The following LRMDA variants were observed in gnomAD, a reference collection of about 807,000 sequenced individuals.
LRMDA encodes the protein leucine-rich melanocyte differentiation-associated protein.
In LRMDA, 18 loss-of-function variants were observed where a neutral mutation model predicts 29.8. The ratio of observed to expected loss-of-function variants is 0.60; its 90% CI spans 0.42 to 0.90. LRMDA has a LOEUF of 0.90. Among genes scored for constraint, LRMDA ranks in the 40% least tolerant of loss-of-function variants. The probability of loss-of-function intolerance (pLI) is 0.00; values close to 1 mark genes in which losing one functional copy is unlikely to be tolerated. For synonymous variants in LRMDA, 125 were observed against 109.4 expected (o/e 1.14, Z -0.89); for missense variants, 273 against 273.9 (o/e 1.00, Z 0.02).
At chr10:76,460,087 C>T (rs1842496776) in intron 6 of LRMDA, among the ~76,000 whole-genome samples, 1 of 152,146 alleles carries the variant, frequency 6.6e-6, no homozygotes, top group African/African-American at 2.4e-5. Flanking sequence ...CATAATGTGT[C>T]CCCTATTTAG....
At chr10:76,383,479 G>A (rs535732070) in intron 6 of LRMDA, among the ~76,000 whole-genome samples, 14 of 135,744 alleles carry the variant, frequency 1.0e-4, no homozygotes, top group South Asian at 7.1e-4. Flanking sequence ...GCCGGACTGC[G>A]GACTGCAGTG....
intron 3 of LRMDA, among the ~76,000 whole-genome samples, chr10:76,044,183 A>G (rs764550919): frequency 3.9e-5 from 6 of 152,126 alleles, no homozygotes; most frequent in Non-Finnish European, 7.4e-5. Context: ...TGCTCCTTGG[A>G]GCATCTGATG....
chr10:75,645,144 G>A (rs1377616722), intron 2 of LRMDA, among the ~76,000 whole-genome samples: 2 of 151,918 alleles, frequency 1.3e-5, no homozygotes, highest in African/African-American at 2.4e-5. Flanking sequence ...CACCACACCC[G>A]GCTAATTTTT....
Position 76,457,282 on chromosome 10 carries a change from T to G in LRMDA, c.602-99927T>G, listed in dbSNP as rs192833944. Among the ~76,000 whole-genome samples the G allele has an allele frequency of 3.4e-3, 516 of 152,322 alleles. 2 individuals carry two copies. The highest frequency in any genetic ancestry group is 6.9e-3 in the Admixed American group (106 of 15,300). On this transcript the variant is annotated intron_variant, in intron 6 of 6. Transcript: ENST00000611255. The stretch of plus-strand genomic sequence containing the variant: ...TCTTCAGTATTCCCTGATTCTGTGT[T>G]TGCAAATTTGCCTGCCCACTAAAAT...
chr10:76,303,018 A>T (rs1243630123), intron 5 of LRMDA, among the ~76,000 whole-genome samples: 1 of 152,174 alleles, frequency 6.6e-6, no homozygotes, highest in Non-Finnish European at 1.5e-5. Flanking sequence ...AAAGAAAGAA[A>T]AAAGCATTTC....
intron 2 of LRMDA, among the ~76,000 whole-genome samples, chr10:76,034,327 TCA>T (rs1848202581): frequency 6.6e-6 from 1 of 152,174 alleles, no homozygotes; most frequent in South Asian, 2.1e-4. Flanking sequence ...GCATTTATCC[TCA>T]CAAGTTGTGT....
At chr10:75,664,433 G>T (rs1841795401) in intron 2 of LRMDA, among the ~76,000 whole-genome samples, 1 of 152,190 alleles carries the variant, frequency 6.6e-6, no homozygotes, top group African/African-American at 2.4e-5. Context: ...ATACAAAGTT[G>T]GGTGATAGTC....
chr10:75,667,396 C>T (rs958934703), intron 2 of LRMDA, among the ~76,000 whole-genome samples: 1 of 152,144 alleles, frequency 6.6e-6, no homozygotes, highest in African/African-American at 2.4e-5. Context: ...TCTTAACCTC[C>T]CCAGTGATTC....
At chr10:76,199,046 G>C (rs879781392) in intron 5 of LRMDA, among the ~76,000 whole-genome samples, 64 of 152,240 alleles carry the variant, frequency 4.2e-4, no homozygotes, top group African/African-American at 1.5e-3. Context: ...ATCTAGGCAG[G>C]TTATCTAGTA....
At chr10:76,343,739 A>T (rs1841068772) in intron 6 of LRMDA, among the ~76,000 whole-genome samples, 1 of 152,134 alleles carries the variant, frequency 6.6e-6, no homozygotes, top group Admixed American at 6.5e-5. Context: ...TACTAACCAA[A>T]GCAATTAGAT....
At chr10:76,183,214 C>T (rs1294217845) in intron 5 of LRMDA, among the ~76,000 whole-genome samples, 1 of 152,168 alleles carries the variant, frequency 6.6e-6, no homozygotes, top group African/African-American at 2.4e-5. Context: ...TTCTTTAAAA[C>T]TACAGAAATT....
chr10:75,823,008 A>G (rs1371244304), intron 2 of LRMDA, among the ~76,000 whole-genome samples: 1 of 152,188 alleles, frequency 6.6e-6, no homozygotes, highest in Non-Finnish European at 1.5e-5. Flanking sequence ...ACCTCAAACT[A>G]CAAAAATCCT....
chr10:75,678,217 T>C (rs182460049), intron 2 of LRMDA, among the ~76,000 whole-genome samples: 1 of 152,316 alleles, frequency 6.6e-6, no homozygotes, highest in African/African-American at 2.4e-5. Flanking sequence ...TAGTATACTT[T>C]ACTAATAATT....
intron 2 of LRMDA, among the ~76,000 whole-genome samples, chr10:75,681,461 C>A (rs575706540): frequency 1.3e-5 from 2 of 152,124 alleles, no homozygotes; most frequent in Non-Finnish European, 2.9e-5. Context: ...TCATCTAGGC[C>A]GGGTGGCTCT....
At chr10:76,361,779 A>G (rs1052910149) in intron 6 of LRMDA, among the ~76,000 whole-genome samples, 8 of 152,172 alleles carry the variant, frequency 5.3e-5, no homozygotes, top group African/African-American at 1.9e-4. Context: ...TGATGAGGTT[A>G]TGACTATTAT....
chr10:76,365,107 T>TATATATATATATATAC (rs141131236), intron 6 of LRMDA, among the ~76,000 whole-genome samples: 1 of 61,204 alleles, frequency 1.6e-5, no homozygotes, highest in Non-Finnish European at 4.3e-5. Flanking sequence ...TATATATATA[T>TATATATATATATATAC]ACACACACAC....
chr10:76,480,336 A>T (rs1437948518), intron 6 of LRMDA, among the ~76,000 whole-genome samples: 1 of 151,940 alleles, frequency 6.6e-6, no homozygotes, highest in Non-Finnish European at 1.5e-5. Flanking sequence ...ACCAAAATTT[A>T]TTATCTACTT....
intron 6 of LRMDA, among the ~76,000 whole-genome samples, chr10:76,362,114 AAC>A (rs781303813): frequency 1.3e-5 from 2 of 152,186 alleles, no homozygotes; most frequent in Non-Finnish European, 2.9e-5. Context: ...AAACCCACAT[AAC>A]ACGACACTGC....
chr10:75,454,876 C>T (rs7916365), intron 2 of LRMDA, among the ~76,000 whole-genome samples: 119,967 of 152,230 alleles, frequency 0.79, 47,708 homozygotes, highest in Middle Eastern at 0.86. Flanking sequence ...GAAAGTCTTT[C>T]GTCAAGTGCT....
Sources: allele counts gnomAD v4.1 joint callset (sites outside exome capture counted in the v4.1 genomes callset), GRCh38; gene constraint gnomAD v4.1.1; transcripts MANE v1.5; gene names NCBI Gene and HGNC (gene_info 2026-07-23, HGNC 2026-07-21).